Variants in FGFR2 observed in about 807,000 individuals in gnomAD.
FGFR2 encodes fibroblast growth factor receptor 2.
In FGFR2, 19 loss-of-function variants were observed where a neutral mutation model predicts 95.9. The observed-to-expected ratio is 0.20, with a 90% confidence interval of 0.14 to 0.29. The LOEUF is 0.29. FGFR2 is among the 10% of genes least tolerant of loss of function. The probability of loss-of-function intolerance (pLI) is 1.00; values close to 1 mark genes in which losing one functional copy is unlikely to be tolerated. For synonymous variants in FGFR2, 392 were observed against 393.3 expected (o/e 1.00, Z 0.04); for missense variants, 707 against 1,056.9 (o/e 0.67, Z 4.59).
intron 2 of FGFR2, among the ~76,000 whole-genome samples, chr10:121,577,134 C>CAAAA (rs1169487586): frequency 0.051 from 204 of 3,970 alleles, 60 homozygotes; most frequent in African/African-American, 0.06. Context: ...GACTCCATCT[C>CAAAA]AAAAAAAAAA....
At chr10:121,529,084 G>A (rs114497454) in intron 6 of FGFR2, among the ~76,000 whole-genome samples, 1,657 of 151,796 alleles carry the variant, frequency 0.011, 32 homozygotes, top group African/African-American at 0.038. Flanking sequence ...GCACCATGAC[G>A]CCTGGCTAAT....
At chr10:121,506,544 C>T (rs1240631241) in intron 9 of FGFR2, among the ~76,000 whole-genome samples, 2 of 151,978 alleles carry the variant, frequency 1.3e-5, no homozygotes, top group Non-Finnish European at 2.9e-5. Flanking sequence ...GAGTGGGAAC[C>T]GATTAAGCAA....
chr10:121,513,183 T>C (rs1564906020), intron 9 of FGFR2, among the ~76,000 whole-genome samples: 1 of 152,212 alleles, frequency 6.6e-6, no homozygotes, highest in Admixed American at 6.5e-5. Context: ...CAGGCTGAAT[T>C]CTCTTAAAGA....
At chr10:121,535,565 A>G (rs1852713707) in intron 6 of FGFR2, among the ~76,000 whole-genome samples, 2 of 152,194 alleles carry the variant, frequency 1.3e-5, no homozygotes, top group Admixed American at 6.5e-5. Flanking sequence ...CTCAGTCAGA[A>G]TCCAGGGCTC....
In FGFR2 at chr10:121,503,935, C is replaced by A. The variant is rs1847938267; in HGVS notation, c.1294G>T (p.Ala432Ser). 2 of 1,613,890 alleles carry A rather than the reference C, an allele frequency of 1.2e-6. No homozygotes were observed. The highest frequency in any genetic ancestry group is 1.7e-6 in the Non-Finnish European group (2 of 1,179,988). The change falls in exon 10 of 18, where the codon GCT becomes TCT. Residue 432 changes from alanine (A) to serine (S), a missense_variant. Physicochemically the swap from Ala to Ser is moderately conservative, Grantham distance 99 (BLOSUM62 1). This residue lies in a region of FGFR2 where 194 missense variants were observed against 267.3 expected (regional missense o/e 0.73). Transcript: ENST00000358487. ...GAGTTCATGGAGGAGCTGGACTCAG[C>A]CGAAACCTGGATACAAAATGCAAAG... is the stretch of plus-strand genomic sequence containing the variant. Reference protein sequence around the residue: ...IPLRRQVTVSAESSSSMNSNT... With the variant: ...IPLRRQVTVSSESSSSMNSNT...
At chr10:121,572,419 G>A (rs560643420) in intron 2 of FGFR2, among the ~76,000 whole-genome samples, 118 of 152,192 alleles carry the variant, frequency 7.8e-4, no homozygotes, top group Non-Finnish European at 1.5e-3. Flanking sequence ...TCAGAAGTTC[G>A]AGACCAGCCT....
intron 2 of FGFR2, among the ~76,000 whole-genome samples, chr10:121,591,649 C>A (rs535819747): frequency 6.6e-6 from 1 of 152,198 alleles, no homozygotes; most frequent in Non-Finnish European, 1.5e-5. Context: ...AGGTTTTGCA[C>A]CTTCCTCTAA....
intron 2 of FGFR2, among the ~76,000 whole-genome samples, chr10:121,570,663 C>T (rs1049129352): frequency 6.6e-6 from 1 of 152,212 alleles, no homozygotes; most frequent in East Asian, 1.9e-4. Flanking sequence ...TTCCAGAAGC[C>T]GCCTTGCTAT....
Position 121,478,701 on chromosome 10 carries a change from T to G in FGFR2, c.*1156A>C, listed in dbSNP as rs1033686643. 1.5e-4 allele frequency: 35 copies of G among 233,470 alleles called. 1 individual carries two copies. The East Asian group carries it at 2.1e-3, about 14-fold the overall frequency. 14.5% of individuals were successfully genotyped at this position (233,470 alleles called of 1,614,324 possible). On this transcript the variant is annotated 3_prime_UTR_variant, in exon 18 of 18. Coordinates refer to ENST00000358487, the MANE Select transcript of FGFR2 (RefSeq NM_000141.5). ...TGTTTCAATTTTCTATGATGGGACT[T>G]GAAGATCCTAACAGGCGTCTCCAAC...
At chr10:121,495,692 C>T (rs1305705072) in intron 13 of FGFR2, among the ~76,000 whole-genome samples, 1 of 152,128 alleles carries the variant, frequency 6.6e-6, no homozygotes, top group Non-Finnish European at 1.5e-5. Context: ...GCAACCCAGA[C>T]CCCCAGTGAC....
At chr10:121,556,190 T>C (rs1292846858) in intron 4 of FGFR2, among the ~76,000 whole-genome samples, 2 of 152,210 alleles carry the variant, frequency 1.3e-5, no homozygotes, top group African/African-American at 4.8e-5. Context: ...AATGAAGTAG[T>C]TGCACTGATT....
At chr10:121,527,006 A>G (rs912102884) in intron 6 of FGFR2, 3 of 362,518 alleles carry the variant, frequency 8.3e-6, no homozygotes, top group African/African-American at 6.2e-5. Flanking sequence ...CTCCAGCACT[A>G]AAGTCACAAA....
intron 4 of FGFR2, among the ~76,000 whole-genome samples, chr10:121,561,251 C>T (rs1856916380): frequency 1.3e-5 from 2 of 151,888 alleles, no homozygotes; most frequent in South Asian, 4.2e-4. Context: ...ATGGAGAAAC[C>T]CCGTCTCTAC....
intron 2 of FGFR2, among the ~76,000 whole-genome samples, chr10:121,579,270 G>A (rs556402672): frequency 6.6e-5 from 10 of 152,306 alleles, no homozygotes; most frequent in South Asian, 2.1e-4. Context: ...TCATCCTGGC[G>A]GGCGGTTGGA....
Position 121,569,727 on chromosome 10 carries a change from A to G in FGFR2, c.110-4023T>C, listed in dbSNP as rs141836758. Among the ~76,000 whole-genome samples the G allele has an allele frequency of 1.7e-3, 254 of 152,324 alleles. 5 individuals are homozygous for G. In the East Asian group the frequency reaches 0.038, roughly 23 times the overall value. On this transcript the variant is annotated intron_variant, in intron 2 of 17. Coordinates refer to ENST00000358487, the MANE Select transcript of FGFR2 (RefSeq NM_000141.5). Reference sequence around the variant, plus strand: ...GAGATAATGATGTTTATCCATAAAAATCAAGCCATCCTGTCTTCAAAGTCT... The same window carrying G: ...GAGATAATGATGTTTATCCATAAAAGTCAAGCCATCCTGTCTTCAAAGTCT...
At chr10:121,509,925 C>T (rs1848836905) in intron 9 of FGFR2, among the ~76,000 whole-genome samples, 1 of 152,028 alleles carries the variant, frequency 6.6e-6, no homozygotes, top group African/African-American at 2.4e-5. Flanking sequence ...CTGACAAACA[C>T]ACTTGGACCA....
intron 2 of FGFR2, among the ~76,000 whole-genome samples, chr10:121,588,536 G>A (rs1862167898): frequency 6.6e-6 from 1 of 152,094 alleles, no homozygotes; most frequent in African/African-American, 2.4e-5. Flanking sequence ...TGCTAGGAAA[G>A]CTAAAAAAAG....
chr10:121,552,661 G>A (rs368053037), intron 4 of FGFR2, among the ~76,000 whole-genome samples: 8 of 152,288 alleles, frequency 5.3e-5, no homozygotes, highest in African/African-American at 1.7e-4. Context: ...GCTGAAGTCC[G>A]GGAAAGCCAG....
chr10:121,498,947 T>C (rs1007004528), intron 11 of FGFR2, among the ~76,000 whole-genome samples: 3 of 152,286 alleles, frequency 2.0e-5, no homozygotes, highest in Admixed American at 6.5e-5. Flanking sequence ...AACTTCATGG[T>C]GCCTGAAACC....
Sources: gnomAD v4.1 joint callset for allele counts (sites outside exome capture counted in the v4.1 genomes callset) on GRCh38, gnomAD v4.1.1 for gene constraint, gnomAD v4.1.1 regional missense constraint, MANE v1.5 for transcripts, NCBI Gene and HGNC (gene_info 2026-07-23, HGNC 2026-07-21) for gene names.